Variants in CSF2RA observed in about 807,000 individuals in gnomAD.
CSF2RA encodes colony stimulating factor 2 receptor subunit alpha, also known as granulocyte-macrophage colony-stimulating factor receptor subunit alpha.
CSF2RA carries 42 observed loss-of-function variants against 51.6 expected under a neutral mutation model. That is an observed-to-expected ratio of 0.81 (90% CI 0.64 to 1.05). CSF2RA has a LOEUF of 1.05. Ranked by LOEUF, CSF2RA falls within the 50% of genes least tolerant of loss-of-function variation. CSF2RA has a pLI of 0.00. For synonymous variants in CSF2RA, 222 were observed against 193.0 expected (o/e 1.15, Z -1.24); for missense variants, 530 against 501.1 (o/e 1.06, Z -0.55).
rs779499713 is a variant in CSF2RA, at chrX:1,291,967, C to T, written c.646+1458C>T. 3.3e-4 allele frequency among the ~76,000 whole-genome samples: 46 copies of T among 141,194 alleles called. 3 individuals carry two copies. The highest frequency in any genetic ancestry group is 5.9e-4 in the Non-Finnish European group (37 of 62,668). 92.6% of individuals were successfully genotyped at this position (141,194 alleles called of 152,430 possible). ...CCAGTGTAGACAGAAGGAGACCCTG[C>T]ACCACCTCCACCTGGACCCAGTGTA... is the stretch of plus-strand genomic sequence containing the variant. On this transcript the variant is annotated intron_variant, in intron 7 of 12. Coordinates refer to ENST00000381529, the MANE Select transcript of CSF2RA (RefSeq NM_172245.4).
chrX:1,311,039 TGAGTTC>T (rs1214654603), downstream of CSF2RA, among the ~76,000 whole-genome samples: 4 of 151,896 alleles, frequency 2.6e-5, no homozygotes, highest in African/African-American at 9.7e-5. Context: ...CCTGAGCTCA[TGAGTTC>T]GAGACCAGCC....
the CSF2RA span, among the ~76,000 whole-genome samples, chrX:1,322,132 G>T: frequency 3.3e-5 from 3 of 91,036 alleles, no homozygotes; most frequent in Non-Finnish European, 7.3e-5. Context: ...TTGAGACAGT[G>T]TCTCACTCTG....
At chrX:1,294,673 G>A (rs780278493) in intron 8 of CSF2RA, among the ~76,000 whole-genome samples, 2 of 152,156 alleles carry the variant, frequency 1.3e-5, no homozygotes, top group East Asian at 3.9e-4. Flanking sequence ...AGGGAGGGTG[G>A]ACAAGGATGA....
chrX:1,284,220 T>C (rs1214153287), intron 3 of CSF2RA, among the ~76,000 whole-genome samples: 53 of 116,112 alleles, frequency 4.6e-4, no homozygotes, highest in African/African-American at 1.4e-3. Flanking sequence ...TTTTTTTTTT[T>C]TGAGACAGGA....
Position 1,268,838 on chromosome X carries a change from G to A in CSF2RA, c.-132G>A. ...TACTCAGAAGCGGGAGTCTCCGAGA[G>A]AAGAAAAGCAGGTGGAAGGAGAGGA... On this transcript the variant is annotated 5_prime_UTR_variant, in exon 1 of 13. Coordinates refer to ENST00000381529, the MANE Select transcript of CSF2RA (RefSeq NM_172245.4). The A allele has an allele frequency of 2.2e-6, 1 of 454,164 alleles. No homozygotes were observed. Among genetic ancestry groups the A allele is most frequent in the South Asian group, 1.6e-5 (1 of 64,480 alleles). 28.1% of individuals were successfully genotyped at this position (454,164 alleles called of 1,614,324 possible).
chrX:1,289,047 G>A (rs1400891808), intron 6 of CSF2RA, 159 bp downstream of exon 6: 5 of 953,440 alleles, frequency 5.2e-6, no homozygotes, highest in South Asian at 3.0e-5. Context: ...CTGCAACCTC[G>A]ACCTCCTGGG....
intron 12 of CSF2RA, 64 bp downstream of exon 12, chrX:1,305,591 C>T (rs368108801): frequency 2.4e-5 from 38 of 1,613,796 alleles, no homozygotes; most frequent in South Asian, 6.6e-5. Flanking sequence ...GCGTGGGACA[C>T]GGCCTCTGGG....
chrX:1,269,634 AAAG>A (rs1343799228), intron 1 of CSF2RA, among the ~76,000 whole-genome samples: 107 of 46,186 alleles, frequency 2.3e-3, no homozygotes, highest in South Asian at 0.011. Flanking sequence ...AAAAAAAGAA[AAAG>A]AAAAAAAAAG....
chrX:1,316,122 TAGAC>T, the CSF2RA span, among the ~76,000 whole-genome samples: 1,345 of 147,244 alleles, frequency 9.1e-3, 24 homozygotes, highest in African/African-American at 0.032. Context: ...CATAGATACA[TAGAC>T]AGATACATAG....
At chrX:1,304,852 A>G (rs754226605) in intron 11 of CSF2RA, among the ~76,000 whole-genome samples, 2 of 150,286 alleles carry the variant, frequency 1.3e-5, no homozygotes, top group Admixed American at 6.7e-5. Context: ...TTTAGTAGAG[A>G]TGGGGTTTCA....
At chrX:1,316,059 A>ATAGATAG in the CSF2RA span, among the ~76,000 whole-genome samples, 1 of 149,036 alleles carries the variant, frequency 6.7e-6, no homozygotes, top group African/African-American at 2.5e-5. Context: ...TAGATAGATC[A>ATAGATAG]ATAGATAGAT....
chrX:1,323,890 T>C, the CSF2RA span, among the ~76,000 whole-genome samples: 1 of 151,800 alleles, frequency 6.6e-6, no homozygotes, highest in Non-Finnish European at 1.5e-5. Context: ...GGTGGGCGCC[T>C]GTAGTCCCAG....
chrX:1,298,815 C>T (rs2092176171), intron 9 of CSF2RA, among the ~76,000 whole-genome samples: 1 of 152,038 alleles, frequency 6.6e-6, no homozygotes, highest in Non-Finnish European at 1.5e-5. Flanking sequence ...CCAGTGTGAT[C>T]AGGAGGAGAC....
intron 12 of CSF2RA, among the ~76,000 whole-genome samples, chrX:1,306,879 C>T (rs772650947): frequency 7.1e-6 from 1 of 141,184 alleles, no homozygotes; most frequent in African/African-American, 2.6e-5. Context: ...GAGAGAGAGA[C>T]AGAAAGAGAC....
intron 8 of CSF2RA, 136 bp downstream of exon 8, chrX:1,294,597 C>T: frequency 2.7e-6 from 3 of 1,125,106 alleles, no homozygotes; most frequent in African/African-American, 1.5e-5. Flanking sequence ...GGGGTGAACG[C>T]ACTTCGGGTA....
chrX:1,294,037 G>C (rs1277937391), intron 7 of CSF2RA: 1 of 198,646 alleles, frequency 5.0e-6, no homozygotes, highest in Non-Finnish European at 9.1e-6. Context: ...GTAGACAGGA[G>C]AAGACTGCAC....
chrX:1,292,349 G>A (rs1369474627), intron 7 of CSF2RA, among the ~76,000 whole-genome samples: 1 of 152,190 alleles, frequency 6.6e-6, no homozygotes, highest in African/African-American at 2.4e-5. Flanking sequence ...GAGAGACTGA[G>A]AAAAGAAATA....
At position 1,309,421 on chromosome X, in the gene CSF2RA, C is replaced by T. The variant is rs2077187596; in HGVS notation, c.1145C>T (p.Thr382Ile). The T allele has an allele frequency of 4.3e-6, 7 of 1,613,798 alleles. No homozygotes were observed. The highest frequency in any genetic ancestry group is 3.3e-5 in the South Asian group (3 of 91,082). ...TCTCAGATCATCTGGGAGGAATTCA[C>T]CCCAGAGGAAGGGAAAGGCTACCGC... ...VEDEIIWEEF[T>I]PEEGKGYREE... is the part of the protein sequence containing the mutation. The change falls in exon 13 of 13, where the codon ACC (threonine) becomes ATC (isoleucine). Residue 382 changes from threonine (T) to isoleucine (I), a missense_variant. Physicochemically the swap from Thr to Ile is moderately conservative, Grantham distance 89 (BLOSUM62 -1). Coordinates refer to ENST00000381529, the MANE Select transcript of CSF2RA (RefSeq NM_172245.4).
intron 2 of CSF2RA, among the ~76,000 whole-genome samples, chrX:1,279,950 C>T (rs1404091475): frequency 7.9e-5 from 12 of 151,852 alleles, no homozygotes; most frequent in African/African-American, 1.9e-4. Context: ...CCACCCCACC[C>T]GGCTAATTTT....
Sources: gnomAD v4.1 joint callset for allele counts (sites outside exome capture counted in the v4.1 genomes callset) on GRCh38, gnomAD v4.1.1 for gene constraint, MANE v1.5 for transcripts, NCBI Gene and HGNC (gene_info 2026-07-23, HGNC 2026-07-21) for gene names.